The following PIP5KL1 variants were observed in gnomAD, a reference collection of about 807,000 sequenced individuals.
PIP5KL1 encodes phosphatidylinositol-4-phosphate 5-kinase like 1.
In PIP5KL1, 45 loss-of-function variants were observed where a neutral mutation model predicts 47.6. That is an observed-to-expected ratio of 0.94 (90% CI 0.74 to 1.21). The LOEUF (loss-of-function observed/expected upper bound fraction) is 1.21. PIP5KL1 is among the 50% of genes most tolerant of loss of function. The probability of loss-of-function intolerance (pLI) is 0.00; values close to 1 mark genes in which losing one functional copy is unlikely to be tolerated. For synonymous variants in PIP5KL1, 256 were observed against 234.6 expected, an observed-to-expected ratio of 1.09 and a Z score of -0.84; for missense variants, 577 against 547.6, an observed-to-expected ratio of 1.05 and a Z score of -0.54.
chr9:127,925,736 T>C (rs1038947036), intron 8 of PIP5KL1, 131 bp downstream of exon 8: 20 of 762,248 alleles, frequency 2.6e-5, no homozygotes, highest in Non-Finnish European at 4.3e-5. Context: ...AGTGCTGGAA[T>C]TACAGGCGTG....
chr9:127,923,108 T>C (rs1241885284), intron 9 of PIP5KL1, among the ~76,000 whole-genome samples: 2 of 152,236 alleles, frequency 1.3e-5, no homozygotes, highest in African/African-American at 4.8e-5. Flanking sequence ...GGTGTGTCTA[T>C]GGTTTTGCCT....
At position 127,927,357 on chromosome 9, in the gene PIP5KL1, AGG is replaced by A; in HGVS notation, c.560-28_560-27del. On this transcript the variant is annotated intron_variant, in intron 5 of 9. Coordinates refer to ENST00000388747, the MANE Select transcript of PIP5KL1 (RefSeq NM_001135219.2). The surrounding 1 kb of genome is among the most constrained non-coding windows in gnomAD (Gnocchi z 5.5). ...CTGGAAGGGGAGAGGGCGCCGGATG[AGG>A]ATCCCCAAACTCCACAACCCGGGGT... 1 of 1,596,834 alleles carries A rather than the reference AGG, an allele frequency of 6.3e-7. No individual in the cohort carries two copies. Among genetic ancestry groups the A allele is most frequent in the South Asian group, 1.1e-5 (1 of 88,992 alleles).
Position 127,927,949 on chromosome 9 carries a change from C to T in PIP5KL1, c.434+116G>A. ...TGTCCACCATCCGGCCCTGACCCTC[C>T]CAGATTAGGGCCGCTCTGTTTCTCT... On this transcript the variant is annotated intron_variant, in intron 4 of 9. Transcript: ENST00000388747. The surrounding 1 kb of genome is among the most constrained non-coding windows in gnomAD (Gnocchi z 5.5). The T allele has an allele frequency of 6.9e-7, 1 of 1,444,846 alleles. No homozygotes were observed. The highest frequency in any genetic ancestry group is 1.4e-5 in the South Asian group (1 of 71,118). The allele number at this position is 1,444,846 out of a possible 1,614,324, so 89.5% of individuals were successfully genotyped here.
At chr9:127,926,831 TG>T (rs757468630) in intron 7 of PIP5KL1, among the ~76,000 whole-genome samples, 2 of 152,220 alleles carry the variant, frequency 1.3e-5, no homozygotes, top group Non-Finnish European at 2.9e-5. Flanking sequence ...AGTCAGAGGC[TG>T]GGTCTGAGTC....
At chr9:127,924,094 C>T (rs1057311876) in intron 9 of PIP5KL1, among the ~76,000 whole-genome samples, 4 of 152,186 alleles carry the variant, frequency 2.6e-5, no homozygotes, top group South Asian at 2.1e-4. Context: ...TTAGGCTGGG[C>T]GCGGTGGCTC....
rs2131641784 is a variant in PIP5KL1 at position 127,929,305 on chromosome 9, A to C, written c.228+383T>G. On this transcript the variant is annotated intron_variant, in intron 2 of 9. Coordinates refer to ENST00000388747, the MANE Select transcript of PIP5KL1 (RefSeq NM_001135219.2). The surrounding 1 kb of genome is among the most constrained non-coding windows in gnomAD (Gnocchi z 4.0). ...CTTTCTGCTGAGCCAGCCCTGCCTC[A>C]GCCTGAGCTCCAGAGAGGATGGGCT... Among the ~76,000 whole-genome samples, 1 of 152,166 alleles carries C rather than the reference A, an allele frequency of 6.6e-6. No individual in the cohort carries two copies. The highest frequency in any genetic ancestry group is 2.4e-5 in the African/African-American group (1 of 41,516).
chr9:127,930,683 A>G, intron 1 of PIP5KL1, 40 bp downstream of exon 1: 1 of 1,527,064 alleles, frequency 6.5e-7, no homozygotes, highest in African/African-American at 1.4e-5. Context: ...CCTGCCCACC[A>G]ACCCTTCCCT....
intron 9 of PIP5KL1, among the ~76,000 whole-genome samples, chr9:127,924,777 G>A (rs1831335514): frequency 6.6e-6 from 1 of 151,840 alleles, no homozygotes; most frequent in African/African-American, 2.4e-5. Context: ...AGTCACCAAA[G>A]CTCTTCTCCA....
rs1831387882 is a variant in PIP5KL1, at chr9:127,927,982, G to A, written c.434+83C>T. ...GGGCCGCTCTGTTTCTCTCTTCAGG[G>A]GGCCTTCCCCGCCACTGGGAATTCT... On this transcript the variant is annotated intron_variant, in intron 4 of 9. Coordinates refer to ENST00000388747, the MANE Select transcript of PIP5KL1 (RefSeq NM_001135219.2). This position sits in a 1 kb window ranked among gnomAD's most constrained non-coding sequence, Gnocchi z 5.5. 1 of 1,456,270 alleles carries A rather than the reference G, an allele frequency of 6.9e-7. No homozygotes were observed. Among genetic ancestry groups the A allele is most frequent in the South Asian group, 1.4e-5 (1 of 70,828 alleles). The allele number at this position is 1,456,270 out of a possible 1,614,324, so 90.2% of individuals were successfully genotyped here.
At chr9:127,928,722 G>A (rs1831398350) in intron 2 of PIP5KL1, 7 of 569,522 alleles carry the variant, frequency 1.2e-5, no homozygotes, top group South Asian at 2.1e-5. Context: ...ATCCACTCTG[G>A]ATCACCAGCA....
At chr9:127,924,733 C>G (rs999040692) in intron 9 of PIP5KL1, among the ~76,000 whole-genome samples, 2 of 151,796 alleles carry the variant, frequency 1.3e-5, no homozygotes, top group African/African-American at 4.8e-5. Flanking sequence ...AGTGGTTCCA[C>G]AGCCCCACTG....
Position 127,921,698 on chromosome 9 carries a change from C to T in PIP5KL1, c.*149G>A. On this transcript the variant is annotated 3_prime_UTR_variant, in exon 10 of 10. Transcript: ENST00000388747. ...TGCTGGGCACGGCACCACCGTCAAA[C>T]GGGACTGCGCGGTTACGGTATTAGT... 2 of 1,127,868 alleles carry T rather than the reference C, an allele frequency of 1.8e-6. No individual in the cohort carries two copies. The highest frequency in any genetic ancestry group is 2.6e-5 in the East Asian group (1 of 38,382). 69.9% of individuals were successfully genotyped at this position (1,127,868 alleles called of 1,614,324 possible).
At chr9:127,925,646 C>T (rs1831351669) in intron 8 of PIP5KL1, 1 of 544,742 alleles carries the variant, frequency 1.8e-6, no homozygotes, top group Admixed American at 3.1e-5. Flanking sequence ...GTGTGTTTTT[C>T]GTAGAGACAG....
intron 9 of PIP5KL1, among the ~76,000 whole-genome samples, chr9:127,922,706 AAAAAAGAAAAAAGAAAAAG>A (rs1831303545): frequency 6.8e-6 from 1 of 146,176 alleles, no homozygotes; most frequent in African/African-American, 2.6e-5. Flanking sequence ...AAAAAAAAAA[AAAAAAGAAAAAAGAAAAAG>A]AAAAAAGAAA....
chr9:127,925,555 G>A lies in PIP5KL1; in HGVS notation c.764-295C>T, dbSNP rs963293054. 1.1e-4 allele frequency: 50 copies of A among 467,462 alleles called. 1 individual carries two copies. In the Admixed American group the frequency reaches 1.3e-3, roughly 12 times the overall value. 29.0% of individuals were successfully genotyped at this position (467,462 alleles called of 1,614,324 possible). A position where few individuals can be genotyped will look rare whatever the true frequency, so the allele number is the denominator to read the frequency against. On this transcript the variant is annotated intron_variant, in intron 8 of 9. Transcript: ENST00000388747. Reference sequence around the variant, plus strand: ...ATCTCGGCTCACTGCAACCTCTGCCGCCTGGGTTCAAGCGATTCTCCTGCC... The same window carrying A: ...ATCTCGGCTCACTGCAACCTCTGCCACCTGGGTTCAAGCGATTCTCCTGCC...
At chr9:127,926,185 TTCTC>T (rs934097952) in intron 7 of PIP5KL1, among the ~76,000 whole-genome samples, 36 of 151,848 alleles carry the variant, frequency 2.4e-4, no homozygotes, top group African/African-American at 7.2e-4. Context: ...TTTCTCTCTC[TTCTC>T]TCTTTCTTTC....
rs1394831007 is a variant in PIP5KL1, at chr9:127,927,032, A to C, written c.650+121T>G. Reference sequence around the variant, plus strand: ...GGCGTCACTGTCTCTGACCCACCAGATCTTGGGAACGCCCCTTCTCCTTCC... The same window carrying C: ...GGCGTCACTGTCTCTGACCCACCAGCTCTTGGGAACGCCCCTTCTCCTTCC... On this transcript the variant is annotated intron_variant, in intron 7 of 9. Coordinates refer to ENST00000388747, the MANE Select transcript of PIP5KL1 (RefSeq NM_001135219.2). The surrounding 1 kb of genome is among the most constrained non-coding windows in gnomAD (Gnocchi z 5.5). 2.5e-6 allele frequency: 3 copies of C among 1,200,832 alleles called. No homozygotes were observed. Among genetic ancestry groups the C allele is most frequent in the East Asian group, 5.1e-5 (2 of 39,284 alleles). 74.4% of individuals were successfully genotyped at this position (1,200,832 alleles called of 1,614,324 possible).
In PIP5KL1 at chr9:127,922,052, T is replaced by C; in HGVS notation, c.980A>G (p.Asp327Gly). ...CAGGATGTGTAGGGCGTTGGGGGCGTCGGGCAGCAGCCGGCGGTTTTGGGC... is the reference window on the plus strand; with the variant it reads ...CAGGATGTGTAGGGCGTTGGGGGCGCCGGGCAGCAGCCGGCGGTTTTGGGC... ...SRAQNRRLLP[D>G]APNALHILDG... Residue 327 changes from aspartate (D) to glycine (G), a missense_variant, in exon 10 of 10, where the codon GAC becomes GGC. Transcript: ENST00000388747. The C allele has an allele frequency of 2.6e-6, 4 of 1,566,068 alleles. No homozygotes were observed. Among genetic ancestry groups the C allele is most frequent in the Non-Finnish European group, 2.6e-6 (3 of 1,157,210 alleles).
chr9:127,928,252 C>G (rs1353814831), intron 3 of PIP5KL1, 33 bp from the exon 4 acceptor site: 7 of 1,528,002 alleles, frequency 4.6e-6, no homozygotes, highest in Non-Finnish European at 6.2e-6. Context: ...TCTGGAGTGT[C>G]TGCGTGGGCC....
Sources: allele counts gnomAD v4.1 joint callset (sites outside exome capture counted in the v4.1 genomes callset), GRCh38; gene constraint gnomAD v4.1.1; non-coding constraint Gnocchi (gnomAD v3.1); transcripts MANE v1.5; gene names NCBI Gene and HGNC (gene_info 2026-07-23, HGNC 2026-07-21).